TBC1D4: variants seen among roughly 807,000 people sequenced by gnomAD.
TBC1D4 encodes the protein TBC (Tre-2, BUB2, CDC16) domain-containing protein.
Under a neutral mutation model 142.5 loss-of-function variants are expected in TBC1D4, and 121 were observed. The ratio of observed to expected loss-of-function variants is 0.85; its 90% CI spans 0.73 to 0.99. The LOEUF (loss-of-function observed/expected upper bound fraction) is 0.99. Ranked by LOEUF, TBC1D4 falls within the 50% of genes least tolerant of loss-of-function variation. TBC1D4 has a pLI of 0.00. For synonymous variants in TBC1D4, 630 were observed against 628.2 expected (o/e 1.00, Z -0.04); for missense variants, 1,475 against 1,606.6 (o/e 0.92, Z 1.40).
chr13:75,352,780 T>G (rs472332), intron 4 of TBC1D4, among the ~76,000 whole-genome samples: 1 of 151,958 alleles, frequency 6.6e-6, no homozygotes, highest in African/African-American at 2.4e-5. Flanking sequence ...AAAGAAAATG[T>G]TAATTGTGTA....
At chr13:75,402,513 T>G (rs1195236886) in intron 1 of TBC1D4, among the ~76,000 whole-genome samples, 1 of 152,150 alleles carries the variant, frequency 6.6e-6, no homozygotes, top group Non-Finnish European at 1.5e-5. Flanking sequence ...AAAAAAAGGA[T>G]AAGAAATTTT....
At chr13:75,367,813 G>A (rs924636016) in intron 1 of TBC1D4, among the ~76,000 whole-genome samples, 2 of 152,116 alleles carry the variant, frequency 1.3e-5, no homozygotes, top group Non-Finnish European at 2.9e-5. Flanking sequence ...TTTGAGAAAC[G>A]ATTGATTTGG....
chr13:75,433,526 T>C (rs975309232), intron 1 of TBC1D4, among the ~76,000 whole-genome samples: 1 of 152,210 alleles, frequency 6.6e-6, no homozygotes, highest in East Asian at 1.9e-4. Context: ...GGGAAGCATA[T>C]GTGTAAAAGA....
At chr13:75,301,641 T>A (rs1247503532) in intron 16 of TBC1D4, among the ~76,000 whole-genome samples, 4 of 144,246 alleles carry the variant, frequency 2.8e-5, no homozygotes, top group East Asian at 2.0e-4. Flanking sequence ...GGAGACTCCA[T>A]CTCAAAAAAA....
chr13:75,430,754 A>T (rs1041939532), intron 1 of TBC1D4, among the ~76,000 whole-genome samples: 11 of 151,240 alleles, frequency 7.3e-5, no homozygotes, highest in African/African-American at 2.7e-4. Context: ...TGCTCCCTTA[A>T]GGCTTTATCC....
intron 1 of TBC1D4, among the ~76,000 whole-genome samples, chr13:75,369,686 C>A (rs904414173): frequency 3.9e-5 from 6 of 152,006 alleles, no homozygotes; most frequent in Non-Finnish European, 7.4e-5. Context: ...TTTTCATATG[C>A]AAAATGGAAA....
At chr13:75,371,460 T>TG (rs2138212293) in intron 1 of TBC1D4, among the ~76,000 whole-genome samples, 1 of 152,314 alleles carries the variant, frequency 6.6e-6, no homozygotes, top group East Asian at 1.9e-4. Context: ...TGCAGGCAGA[T>TG]GGGTGATGGG....
At chr13:75,459,890 C>T (rs918618178) in intron 1 of TBC1D4, among the ~76,000 whole-genome samples, 1 of 152,172 alleles carries the variant, frequency 6.6e-6, no homozygotes, top group African/African-American at 2.4e-5. Flanking sequence ...CGCCTGTAAT[C>T]CCAGCACTTT....
At chr13:75,340,913 T>C (rs1880634686) in intron 7 of TBC1D4, among the ~76,000 whole-genome samples, 1 of 151,976 alleles carries the variant, frequency 6.6e-6, no homozygotes. Flanking sequence ...GCCATTGCAC[T>C]CCAGCCTGGG....
intron 1 of TBC1D4, among the ~76,000 whole-genome samples, chr13:75,432,632 A>G (rs1593879414): frequency 6.6e-6 from 1 of 152,338 alleles, no homozygotes; most frequent in East Asian, 1.9e-4. Context: ...TATAGTTAAT[A>G]CTTAAACGGA....
chr13:75,333,688 C>A (rs1412611108), intron 8 of TBC1D4, among the ~76,000 whole-genome samples: 1 of 152,194 alleles, frequency 6.6e-6, no homozygotes, highest in Non-Finnish European at 1.5e-5. Context: ...TACAGTAATA[C>A]TATTGAATCT....
chr13:75,414,633 C>G (rs2138093589), intron 1 of TBC1D4, among the ~76,000 whole-genome samples: 1 of 151,574 alleles, frequency 6.6e-6, no homozygotes, highest in Middle Eastern at 3.4e-3. Context: ...TGGGTGTGGT[C>G]TGTGTGTATA....
intron 19 of TBC1D4, among the ~76,000 whole-genome samples, chr13:75,290,819 G>C (rs780827933): frequency 1.3e-5 from 2 of 152,090 alleles, no homozygotes; most frequent in Non-Finnish European, 2.9e-5. Flanking sequence ...ATTTTGTAGA[G>C]GAAGAGGTTG....
chr13:75,326,741 C>T (rs1879298436), intron 9 of TBC1D4, among the ~76,000 whole-genome samples: 2 of 152,174 alleles, frequency 1.3e-5, no homozygotes, highest in Admixed American at 1.3e-4. Context: ...TCTCCCCTGA[C>T]ACTTTGTGAT....
In TBC1D4 at chr13:75,356,241, T is replaced by C; in HGVS notation, c.1181A>G (p.His394Arg). The C allele has an allele frequency of 1.2e-6, 2 of 1,611,436 alleles. No individual in the cohort carries two copies. The highest frequency in any genetic ancestry group is 8.5e-7 in the Non-Finnish European group (1 of 1,177,684). The change falls in exon 4 of 21, where the codon CAT (histidine) becomes CGT (arginine). Residue 394 changes from histidine (H) to arginine (R), a missense_variant. Physicochemically the swap from His to Arg is conservative, Grantham distance 29. Around this residue, in one of 2 missense-constraint regions of TBC1D4, gnomAD observed 1,227 missense variants for 1,267.7 expected, o/e 0.97. Coordinates refer to ENST00000377636, the MANE Select transcript of TBC1D4 (RefSeq NM_014832.5). ...GCAGATAAAGCCAAAGTGATCCACA[T>C]GCTTTATACCCTAGATGGAGGGGAA... ...DISSCSQGIK[H>R]VDHFGFICRE...
At chr13:75,470,405 G>C (rs1292098529) in intron 1 of TBC1D4, among the ~76,000 whole-genome samples, 1 of 152,106 alleles carries the variant, frequency 6.6e-6, no homozygotes. Flanking sequence ...AACATCACCT[G>C]GGAACTGTTA....
chr13:75,387,416 T>G (rs1334021942), intron 1 of TBC1D4, among the ~76,000 whole-genome samples: 1 of 152,220 alleles, frequency 6.6e-6, no homozygotes, highest in East Asian at 1.9e-4. Flanking sequence ...CAGTGAACTT[T>G]CTACATTCTG....
intron 1 of TBC1D4, among the ~76,000 whole-genome samples, chr13:75,397,148 G>GA (rs879612516): frequency 1.5e-4 from 22 of 148,998 alleles, no homozygotes; most frequent in Non-Finnish European, 2.5e-4. Flanking sequence ...GAGAAGGCAA[G>GA]AAAAAAAAAT....
At chr13:75,298,187 A>G (rs551706550) in intron 17 of TBC1D4, among the ~76,000 whole-genome samples, 12 of 152,350 alleles carry the variant, frequency 7.9e-5, no homozygotes, top group African/African-American at 2.6e-4. Context: ...GGAGTCATGC[A>G]TACCTCATTT....
Sources: allele counts gnomAD v4.1 joint callset (sites outside exome capture counted in the v4.1 genomes callset), GRCh38; gene constraint gnomAD v4.1.1; regional missense constraint gnomAD v4.1.1; transcripts MANE v1.5; gene names NCBI Gene and HGNC (gene_info 2026-07-23, HGNC 2026-07-21).